The following HTR2C variants were observed in gnomAD, a reference collection of about 807,000 sequenced individuals.
The protein encoded by HTR2C is 5-hydroxytryptamine (serotonin) receptor 2C, G protein-coupled.
In HTR2C, 5 loss-of-function variants were observed where a neutral mutation model predicts 21.0. The observed-to-expected ratio is 0.24, with a 90% confidence interval of 0.12 to 0.50. The LOEUF is 0.50. Ranked by LOEUF, HTR2C falls within the 20% of genes least tolerant of loss-of-function variation. The probability of loss-of-function intolerance (pLI) is 0.98; values close to 1 mark genes in which losing one functional copy is unlikely to be tolerated. For missense variants in HTR2C, 271 were observed against 371.2 expected (o/e 0.73, Z 2.22); for synonymous variants, 150 against 145.3 (o/e 1.03, Z -0.23).
intron 5 of HTR2C, among the ~76,000 whole-genome samples, chrX:114,893,162 G>A (rs947275436): frequency 5.5e-5 from 6 of 110,011 alleles, no homozygotes; most frequent in South Asian, 3.8e-4. Flanking sequence ...TGATCCACCC[G>A]CCTCAGCCTC....
chrX:114,835,858 T>C (rs2070776893), intron 4 of HTR2C, among the ~76,000 whole-genome samples: 3 of 109,973 alleles, frequency 2.7e-5, no homozygotes, highest in African/African-American at 9.9e-5. Context: ...TGGTCTTTGA[T>C]GATGGTGATG....
intron 2 of HTR2C, among the ~76,000 whole-genome samples, chrX:114,680,135 T>G (rs1931697178): frequency 8.9e-6 from 1 of 112,238 alleles, no homozygotes; most frequent in Non-Finnish European, 1.9e-5. Flanking sequence ...AATAGTTAAT[T>G]ACCAGGTCCT....
intron 2 of HTR2C, among the ~76,000 whole-genome samples, chrX:114,710,144 A>C (rs1171954806): frequency 9.0e-6 from 1 of 111,587 alleles, no homozygotes; most frequent in African/African-American, 3.3e-5. Flanking sequence ...GAAAGTTAGA[A>C]CTTTGCACGG....
chrX:114,764,223 A>T (rs1311981633), intron 4 of HTR2C, among the ~76,000 whole-genome samples: 1 of 109,746 alleles, frequency 9.1e-6, no homozygotes, highest in African/African-American at 3.3e-5. Context: ...ACATGAAGAA[A>T]CCCTGTCTTT....
chrX:114,671,048 T>A (rs1340808423), intron 2 of HTR2C, among the ~76,000 whole-genome samples: 1 of 112,127 alleles, frequency 8.9e-6, no homozygotes, highest in Admixed American at 9.5e-5. Context: ...TGTCATTTAT[T>A]TGATTTGTGA....
intron 4 of HTR2C, among the ~76,000 whole-genome samples, chrX:114,735,180 G>T (rs2069578883): frequency 9.0e-6 from 1 of 110,511 alleles, no homozygotes; most frequent in South Asian, 3.8e-4. Flanking sequence ...ATCTGGGTAT[G>T]GTGCTGCCTG....
chrX:114,649,248 T>A (rs1303942916), intron 2 of HTR2C, among the ~76,000 whole-genome samples: 1 of 112,632 alleles, frequency 8.9e-6, no homozygotes, highest in African/African-American at 3.2e-5. Context: ...TTCTCAATAC[T>A]ATTTAAATGT....
intron 2 of HTR2C, among the ~76,000 whole-genome samples, chrX:114,635,406 T>C (rs1929803477): frequency 8.9e-6 from 1 of 111,820 alleles, no homozygotes; most frequent in Non-Finnish European, 1.9e-5. Flanking sequence ...GTTATGGGGA[T>C]GAAGACGAAT....
At chrX:114,750,753 C>A (rs929031975) in intron 4 of HTR2C, among the ~76,000 whole-genome samples, 1 of 112,052 alleles carries the variant, frequency 8.9e-6, no homozygotes, top group Non-Finnish European at 1.9e-5. Context: ...GCTTTTGAAC[C>A]AATGTTTTTA....
chrX:114,883,256 T>C (rs1349253708), intron 5 of HTR2C, among the ~76,000 whole-genome samples: 1 of 110,821 alleles, frequency 9.0e-6, no homozygotes, highest in African/African-American at 3.3e-5. Flanking sequence ...TATCTGTCTG[T>C]CATCTATCTA....
In HTR2C at chrX:114,784,139, G is replaced by GA. The variant is rs782206746; in HGVS notation, c.349+52545dup. Among the ~76,000 whole-genome samples, 301 of 70,681 alleles carry GA rather than the reference G, an allele frequency of 4.3e-3. 1 individual carries two copies. Among genetic ancestry groups the GA allele is most frequent in the African/African-American group, 7.0e-3 (140 of 19,979 alleles). 61.4% of individuals were successfully genotyped at this position (70,681 alleles called of 115,157 possible). ...AAATCAAACCAAACATTGGTTCTCTGAAAAAAAAAAAAAGACAGACAAACC... is the reference window on the plus strand; with the variant it reads ...AAATCAAACCAAACATTGGTTCTCTGAAAAAAAAAAAAAAGACAGACAAACC... On this transcript the variant is annotated intron_variant, in intron 4 of 5. Transcript: ENST00000276198.
chrX:114,640,718 A>C (rs1930064154), intron 2 of HTR2C, among the ~76,000 whole-genome samples: 1 of 112,347 alleles, frequency 8.9e-6, no homozygotes, highest in Non-Finnish European at 1.9e-5. Flanking sequence ...AAGTGTAATG[A>C]AGACAAAAGC....
At chrX:114,796,399 G>A (rs2070293633) in intron 4 of HTR2C, among the ~76,000 whole-genome samples, 1 of 111,468 alleles carries the variant, frequency 9.0e-6, no homozygotes. Flanking sequence ...TGTGAATTCC[G>A]TTTTGGACAG....
At chrX:114,788,902 G>A (rs1195401870) in intron 4 of HTR2C, among the ~76,000 whole-genome samples, 2 of 111,566 alleles carry the variant, frequency 1.8e-5, no homozygotes, top group East Asian at 2.8e-4. Context: ...GCCTGTGTCA[G>A]CCTCCCAAAG....
At chrX:114,653,493 A>G (rs1930665030) in intron 2 of HTR2C, among the ~76,000 whole-genome samples, 1 of 110,139 alleles carries the variant, frequency 9.1e-6, no homozygotes, top group Non-Finnish European at 1.9e-5. Flanking sequence ...CCCACCCAAA[A>G]TATTTATGCC....
At chrX:114,905,304 A>T (rs1556486318) in intron 5 of HTR2C, among the ~76,000 whole-genome samples, 1 of 112,081 alleles carries the variant, frequency 8.9e-6, no homozygotes, top group Non-Finnish European at 1.9e-5. Context: ...GAAGACTTAA[A>T]GATCACTTTC....
intron 4 of HTR2C, among the ~76,000 whole-genome samples, chrX:114,834,897 A>C (rs1271922692): frequency 6.5e-4 from 70 of 107,957 alleles, no homozygotes; most frequent in African/African-American, 2.1e-3. Flanking sequence ...TTAGGGCAGG[A>C]CTGGTGGTGA....
At chrX:114,675,590 C>T (rs142092788) in intron 2 of HTR2C, among the ~76,000 whole-genome samples, 1,312 of 111,917 alleles carry the variant, frequency 0.012, 11 homozygotes, top group Non-Finnish European at 0.02. Flanking sequence ...TTTATGTTCT[C>T]GCCTTGACAT....
intron 5 of HTR2C, among the ~76,000 whole-genome samples, chrX:114,883,672 G>GTA (rs1446144208): frequency 3.6e-5 from 4 of 109,717 alleles, no homozygotes; most frequent in Non-Finnish European, 7.6e-5. Context: ...TGACCAATAA[G>GTA]TATATATATT....
Sources: gnomAD v4.1 joint callset for allele counts (sites outside exome capture counted in the v4.1 genomes callset) on GRCh38, gnomAD v4.1.1 for gene constraint, MANE v1.5 for transcripts, NCBI Gene and HGNC (gene_info 2026-07-23, HGNC 2026-07-21) for gene names.